Variants in DIP2C observed in about 807,000 individuals in gnomAD.
DIP2C encodes the protein disco-interacting protein 2 homolog C.
In DIP2C, 33 loss-of-function variants were observed where a neutral mutation model predicts 192.4. That is an observed-to-expected ratio of 0.17 (90% CI 0.13 to 0.23). The LOEUF (loss-of-function observed/expected upper bound fraction) is 0.23. Among genes scored for constraint, DIP2C ranks in the 10% least tolerant of loss-of-function variants. DIP2C has a pLI of 1.00. For missense variants in DIP2C, 1,537 were observed against 2,110.1 expected, an observed-to-expected ratio of 0.73 and a Z score of 5.32; for synonymous variants, 979 against 864.1, an observed-to-expected ratio of 1.13 and a Z score of -2.33.
intron 4 of DIP2C, among the ~76,000 whole-genome samples, chr10:427,216 C>T (rs904061721): frequency 6.6e-6 from 1 of 152,196 alleles, no homozygotes; most frequent in South Asian, 2.1e-4. Context: ...CTAGAGGCCA[C>T]CTGTGTCCCT....
intron 29 of DIP2C, among the ~76,000 whole-genome samples, chr10:337,593 G>C (rs1957904038): frequency 6.7e-6 from 1 of 148,212 alleles, no homozygotes; most frequent in African/African-American, 2.5e-5. Context: ...GTGTGTGTGT[G>C]TGTTCTGTGG....
At chr10:540,174 G>A (rs1190209519) in intron 1 of DIP2C, among the ~76,000 whole-genome samples, 1 of 152,250 alleles carries the variant, frequency 6.6e-6, no homozygotes, top group Non-Finnish European at 1.5e-5. Context: ...TAAAAATGAT[G>A]TGCGTGTTTT....
chr10:592,043 A>G (rs1851434218), intron 1 of DIP2C, among the ~76,000 whole-genome samples: 1 of 152,252 alleles, frequency 6.6e-6, no homozygotes, highest in South Asian at 2.1e-4. Flanking sequence ...GTAGGGCATG[A>G]GGGAGACACA....
chr10:519,352 G>A (rs1846555191), intron 1 of DIP2C, among the ~76,000 whole-genome samples: 1 of 152,248 alleles, frequency 6.6e-6, no homozygotes, highest in Non-Finnish European at 1.5e-5. Flanking sequence ...CCCGGGGGCT[G>A]GATGGGTCAT....
chr10:425,437 A>G (rs1370633306), intron 4 of DIP2C, among the ~76,000 whole-genome samples: 22 of 151,410 alleles, frequency 1.5e-4, no homozygotes, highest in Admixed American at 1.3e-3. Context: ...AGTGACTAAT[A>G]TGACACGGAT....
chr10:533,229 G>GA (rs1422426070), intron 1 of DIP2C, among the ~76,000 whole-genome samples: 1 of 152,132 alleles, frequency 6.6e-6, no homozygotes, highest in African/African-American at 2.4e-5. Flanking sequence ...GAGAAAGAAA[G>GA]AAGGGTGGAA....
chr10:599,425 C>T (rs149103191), intron 1 of DIP2C, among the ~76,000 whole-genome samples: 8 of 152,198 alleles, frequency 5.3e-5, no homozygotes, highest in African/African-American at 1.9e-4. Flanking sequence ...GATTAAACAT[C>T]AAGATACAAC....
chr10:369,071 TCACA>T lies in DIP2C; in HGVS notation c.2131+419_2131+422del, dbSNP rs768316734. On this transcript the variant is annotated intron_variant, in intron 18 of 36. Coordinates refer to ENST00000280886, the MANE Select transcript of DIP2C (RefSeq NM_014974.3). ...CTACTGCTGAAAACAGGTTTCATGGTCACACAAACTCACATTCCTTGATTTTCAC... is the reference window on the plus strand; with the variant it reads ...CTACTGCTGAAAACAGGTTTCATGGTCAAACTCACATTCCTTGATTTTCAC... Among the ~76,000 whole-genome samples, 21 of 152,324 alleles carry T rather than the reference TCACA, an allele frequency of 1.4e-4. No homozygotes were observed. In the East Asian group the frequency reaches 2.3e-3, roughly 17 times the overall value.
chr10:446,289 C>CTG (rs1968203444), intron 3 of DIP2C, among the ~76,000 whole-genome samples: 7 of 152,120 alleles, frequency 4.6e-5, no homozygotes, highest in African/African-American at 1.7e-4. Flanking sequence ...CACTGGGCAT[C>CTG]TATATACATC....
chr10:530,893 G>T (rs1290645094), intron 1 of DIP2C, among the ~76,000 whole-genome samples: 1 of 152,120 alleles, frequency 6.6e-6, no homozygotes, highest in Non-Finnish European at 1.5e-5. Flanking sequence ...TCCACAGTCA[G>T]ACAGCAGCCT....
At chr10:606,539 G>A (rs1852493474) in intron 1 of DIP2C, among the ~76,000 whole-genome samples, 1 of 149,458 alleles carries the variant, frequency 6.7e-6, no homozygotes, top group Admixed American at 6.6e-5. Flanking sequence ...ATTACCTGCT[G>A]TGATCCGAAT....
rs816568 is a variant in DIP2C, at chr10:633,255, T to A, written c.85+56239A>T. ...ACGTGGGTTACTTCACTGTTCTCTG[T>A]ACCCTTTCCAAATAAAACCCGGGGC... On this transcript the variant is annotated intron_variant, in intron 1 of 36. Transcript: ENST00000280886. Among the ~76,000 whole-genome samples, 229 of 152,346 alleles carry A rather than the reference T, an allele frequency of 1.5e-3. 1 individual carries two copies. Among genetic ancestry groups the A allele is most frequent in the Non-Finnish European group, 2.9e-3 (195 of 68,034 alleles).
intron 26 of DIP2C, among the ~76,000 whole-genome samples, chr10:347,491 G>A (rs1462801413): frequency 1.4e-5 from 1 of 73,570 alleles, no homozygotes; most frequent in Non-Finnish European, 2.6e-5. Flanking sequence ...CACTCACCCG[G>A]ACACATTGCG....
chr10:411,351 G>A (rs955010012), intron 8 of DIP2C, among the ~76,000 whole-genome samples: 6 of 152,158 alleles, frequency 3.9e-5, no homozygotes, highest in Admixed American at 1.3e-4. Flanking sequence ...AGCACAGCGT[G>A]ACTTATTTTT....
chr10:665,741 C>T (rs1011202040), intron 1 of DIP2C: 2 of 152,280 alleles, frequency 1.3e-5, no homozygotes, highest in Non-Finnish European at 2.9e-5. Context: ...ACTCACGTGA[C>T]TCCTCCTCAG....
At chr10:450,102 T>C (rs1046001727) in intron 3 of DIP2C, among the ~76,000 whole-genome samples, 2 of 152,202 alleles carry the variant, frequency 1.3e-5, no homozygotes, top group African/African-American at 2.4e-5. Context: ...TTCTGAAAGC[T>C]TCACGTCCAC....
At chr10:483,602 G>A (rs1843775656) in intron 2 of DIP2C, among the ~76,000 whole-genome samples, 1 of 152,190 alleles carries the variant, frequency 6.6e-6, no homozygotes, top group African/African-American at 2.4e-5. Flanking sequence ...GATAAATTCT[G>A]AAATGGACCT....
intron 31 of DIP2C, among the ~76,000 whole-genome samples, chr10:320,043 T>A (rs1241124287): frequency 6.6e-6 from 1 of 152,148 alleles, no homozygotes; most frequent in African/African-American, 2.4e-5. Context: ...TGTTAGAAGG[T>A]TGAAGAATAG....
chr10:511,547 G>A (rs1047740555), intron 1 of DIP2C, among the ~76,000 whole-genome samples: 3 of 152,236 alleles, frequency 2.0e-5, no homozygotes, highest in South Asian at 2.1e-4. Context: ...AAAATAACAC[G>A]TCTTCCAGGT....
Sources: gnomAD v4.1 joint callset for allele counts (sites outside exome capture counted in the v4.1 genomes callset) on GRCh38, gnomAD v4.1.1 for gene constraint, MANE v1.5 for transcripts, NCBI Gene and HGNC (gene_info 2026-07-23, HGNC 2026-07-21) for gene names.